Variants in CADM2 observed in about 807,000 individuals in gnomAD.
CADM2 encodes the protein cell adhesion molecule 2, also known as immunoglobulin superfamily member 4D.
CADM2 carries 12 observed loss-of-function variants against 49.8 expected under a neutral mutation model. The ratio of observed to expected loss-of-function variants is 0.24; its 90% CI spans 0.15 to 0.39. CADM2 has a LOEUF of 0.39. Among genes scored for constraint, CADM2 ranks in the 10% least tolerant of loss-of-function variants. The pLI is 1.00. For missense variants in CADM2, 378 were observed against 492.3 expected (o/e 0.77, Z 2.20); for synonymous variants, 214 against 175.4 (o/e 1.22, Z -1.74).
chr3:85,824,919 G>A (rs766008747), intron 3 of CADM2, among the ~76,000 whole-genome samples: 16 of 152,028 alleles, frequency 1.1e-4, no homozygotes, highest in Non-Finnish European at 2.1e-4. Context: ...TTGAGTAGGG[G>A]TTAATGATAA....
chr3:86,022,812 C>T (rs568186769), intron 8 of CADM2, among the ~76,000 whole-genome samples: 14 of 152,224 alleles, frequency 9.2e-5, no homozygotes, highest in South Asian at 2.1e-4. Context: ...TCCTTGCCCT[C>T]ATTTAATTCA....
At chr3:85,499,967 C>T (rs1460668461) in intron 1 of CADM2, among the ~76,000 whole-genome samples, 1 of 152,112 alleles carries the variant, frequency 6.6e-6, no homozygotes. Context: ...GAGTAGAGTG[C>T]TGCTTAGTTC....
chr3:84,979,506 A>C (rs907653740), intron 1 of CADM2, among the ~76,000 whole-genome samples: 2 of 152,196 alleles, frequency 1.3e-5, no homozygotes, highest in Non-Finnish European at 2.9e-5. Flanking sequence ...GTTATTGAGT[A>C]ACTAGAAGAG....
intron 1 of CADM2, among the ~76,000 whole-genome samples, chr3:85,627,644 A>G (rs2064166850): frequency 6.6e-6 from 1 of 151,966 alleles, no homozygotes; most frequent in Non-Finnish European, 1.5e-5. Flanking sequence ...TCTTTCATTC[A>G]CTCAAAGTCT....
At chr3:85,919,413 G>T (rs1001278674) in intron 6 of CADM2, among the ~76,000 whole-genome samples, 3 of 151,620 alleles carry the variant, frequency 2.0e-5, no homozygotes, top group Non-Finnish European at 4.4e-5. Context: ...AAGGATGAGA[G>T]GAAAATAAGC....
chr3:85,545,640 C>A (rs1053070381), intron 1 of CADM2, among the ~76,000 whole-genome samples: 4 of 152,066 alleles, frequency 2.6e-5, no homozygotes, highest in African/African-American at 9.7e-5. Flanking sequence ...ACTATGAGGT[C>A]TTTTTTCACA....
chr3:85,565,143 A>G (rs2062218259), intron 1 of CADM2, among the ~76,000 whole-genome samples: 1 of 152,000 alleles, frequency 6.6e-6, no homozygotes, highest in Non-Finnish European at 1.5e-5. Flanking sequence ...GTTTATGCCC[A>G]TTGAATAGCA....
intron 1 of CADM2, among the ~76,000 whole-genome samples, chr3:85,445,432 G>A (rs1453238598): frequency 1.3e-5 from 2 of 151,914 alleles, no homozygotes; most frequent in African/African-American, 2.4e-5. Flanking sequence ...TACATTGTCT[G>A]TAATGAGATT....
At position 85,942,424 on chromosome 3, in the gene CADM2, G is replaced by T. The variant is rs183918731; in HGVS notation, c.791+6567G>T. 3.2e-3 allele frequency among the ~76,000 whole-genome samples: 492 copies of T among 151,648 alleles called. 2 individuals are homozygous for T. The highest frequency in any genetic ancestry group is 5.3e-3 in the Non-Finnish European group (357 of 67,888). The stretch of plus-strand genomic sequence containing the variant: ...ATATATAAATGTGCCATGCTGGTGC[G>T]CTGCACCCACTAACTTGTCATCTAG... On this transcript the variant is annotated intron_variant, in intron 7 of 9. Transcript: ENST00000383699.
At chr3:85,844,315 T>G (rs1231086116) in intron 3 of CADM2, among the ~76,000 whole-genome samples, 4 of 152,104 alleles carry the variant, frequency 2.6e-5, no homozygotes, top group Non-Finnish European at 5.9e-5. Flanking sequence ...ATACTTTGAA[T>G]TTTTTGTTAT....
At chr3:85,103,859 T>C (rs2038107320) in intron 1 of CADM2, among the ~76,000 whole-genome samples, 1 of 152,148 alleles carries the variant, frequency 6.6e-6, no homozygotes, top group Admixed American at 6.6e-5. Context: ...CGGAGGAATG[T>C]AGTGGGCTAG....
chr3:85,227,452 C>CTTTTTTTTTT (rs143104896), intron 1 of CADM2, among the ~76,000 whole-genome samples: 1 of 120,848 alleles, frequency 8.3e-6, no homozygotes, highest in African/African-American at 3.2e-5. Context: ...GCAACCCCTG[C>CTTTTTTTTTT]TTTTTTTTTT....
At chr3:85,744,227 G>A (rs905040450) in intron 2 of CADM2, among the ~76,000 whole-genome samples, 2 of 152,042 alleles carry the variant, frequency 1.3e-5, no homozygotes, top group African/African-American at 4.8e-5. Context: ...GGGGATTTAG[G>A]GGATGGGACA....
At chr3:85,809,450 G>C (rs2072671312) in intron 3 of CADM2, among the ~76,000 whole-genome samples, 1 of 151,946 alleles carries the variant, frequency 6.6e-6, no homozygotes, top group Admixed American at 6.6e-5. Flanking sequence ...AATTAGCTGG[G>C]TGTGGTGGCA....
At chr3:85,649,998 T>C (rs2064997444) in intron 1 of CADM2, among the ~76,000 whole-genome samples, 2 of 152,208 alleles carry the variant, frequency 1.3e-5, no homozygotes, top group Admixed American at 1.3e-4. Flanking sequence ...TGAAACCTCT[T>C]CATTTCTCCT....
chr3:85,123,704 C>CACACAT (rs1313383563), intron 1 of CADM2, among the ~76,000 whole-genome samples: 2 of 152,026 alleles, frequency 1.3e-5, no homozygotes, highest in Non-Finnish European at 2.9e-5. Flanking sequence ...TATATGTGCA[C>CACACAT]ACACATACAC....
chr3:85,954,591 A>C (rs1389474440), intron 7 of CADM2, among the ~76,000 whole-genome samples: 3 of 151,040 alleles, frequency 2.0e-5, no homozygotes, highest in Non-Finnish European at 4.4e-5. Flanking sequence ...CTTCCTCCTC[A>C]ATTATTTAGC....
At chr3:86,014,733 C>A in intron 8 of CADM2, 2 of 1,505,210 alleles carry the variant, frequency 1.3e-6, no homozygotes, top group South Asian at 1.4e-5. Context: ...AAGTGACTTA[C>A]CCAATACTGA....
chr3:85,959,620 T>C (rs574657332), intron 7 of CADM2, among the ~76,000 whole-genome samples: 32 of 152,024 alleles, frequency 2.1e-4, no homozygotes, highest in African/African-American at 7.7e-4. Context: ...ATGCACCATA[T>C]AACAACACTT....
Sources: allele counts gnomAD v4.1 joint callset (sites outside exome capture counted in the v4.1 genomes callset), GRCh38; gene constraint gnomAD v4.1.1; transcripts MANE v1.5; gene names NCBI Gene and HGNC (gene_info 2026-07-23, HGNC 2026-07-21).